The following ADGRL2 variants were observed in gnomAD, a reference collection of about 807,000 sequenced individuals.
ADGRL2 encodes calcium-independent alpha-latrotoxin receptor 2.
In ADGRL2, 44 loss-of-function variants were observed where a neutral mutation model predicts 157.4. The observed-to-expected ratio is 0.28, with a 90% CI of 0.22 to 0.36. ADGRL2 has a LOEUF of 0.36. Among genes scored for constraint, ADGRL2 ranks in the 10% least tolerant of loss-of-function variants. The pLI is 1.00. For synonymous variants in ADGRL2, 585 were observed against 624.7 expected (o/e 0.94, Z 0.95); for missense variants, 1,510 against 1,768.9 (o/e 0.85, Z 2.63).
intron 2 of ADGRL2, among the ~76,000 whole-genome samples, chr1:81,854,453 C>T (rs974285808): frequency 2.0e-5 from 3 of 152,110 alleles, no homozygotes; most frequent in East Asian, 3.9e-4. Flanking sequence ...AATTCTGACT[C>T]TCATCAGCTA....
intron 3 of ADGRL2, among the ~76,000 whole-genome samples, chr1:81,909,721 T>C (rs1302818555): frequency 6.9e-6 from 1 of 145,898 alleles, no homozygotes; most frequent in Non-Finnish European, 1.6e-5. Flanking sequence ...AACCATTGCT[T>C]GTTTTTTTTT....
At chr1:81,660,251 A>G (rs1441082574) in intron 3 of ADGRL2, among the ~76,000 whole-genome samples, 1 of 152,198 alleles carries the variant, frequency 6.6e-6, no homozygotes, top group African/African-American at 2.4e-5. Context: ...AATTTGTTTT[A>G]GCACTCTAAA....
chr1:81,720,909 T>C (rs1215492616), intron 1 of ADGRL2, among the ~76,000 whole-genome samples: 1 of 149,996 alleles, frequency 6.7e-6, no homozygotes, highest in African/African-American at 2.4e-5. Context: ...TATATATGTT[T>C]TATATATTAA....
At chr1:81,663,942 G>C (rs2082707432) in intron 3 of ADGRL2, among the ~76,000 whole-genome samples, 1 of 152,038 alleles carries the variant, frequency 6.6e-6, no homozygotes, top group Non-Finnish European at 1.5e-5. Context: ...TGAGGGGGAA[G>C]GATATCCGTT....
upstream of ADGRL2, among the ~76,000 whole-genome samples, chr1:81,698,575 T>C (rs1353960945): frequency 6.6e-6 from 1 of 152,190 alleles, no homozygotes; most frequent in African/African-American, 2.4e-5. Flanking sequence ...AACTTTGATA[T>C]TTGAGACCAA....
intron 2 of ADGRL2, among the ~76,000 whole-genome samples, chr1:81,563,371 G>T (rs1280002515): frequency 6.6e-6 from 1 of 152,068 alleles, no homozygotes; most frequent in Non-Finnish European, 1.5e-5. Flanking sequence ...GGAGTTCTTT[G>T]ATTACTTAAG....
At chr1:81,705,755 A>C (rs192618475) in intron 1 of ADGRL2, among the ~76,000 whole-genome samples, 1 of 151,850 alleles carries the variant, frequency 6.6e-6, no homozygotes, top group East Asian at 2.0e-4. Flanking sequence ...CCGCTATAAA[A>C]AATTTAAAAG....
intron 2 of ADGRL2, among the ~76,000 whole-genome samples, chr1:81,531,595 G>A (rs2079600440): frequency 6.6e-6 from 1 of 152,118 alleles, no homozygotes; most frequent in Non-Finnish European, 1.5e-5. Flanking sequence ...TTTACTGCTG[G>A]GAACCCACGT....
intron 2 of ADGRL2, among the ~76,000 whole-genome samples, chr1:81,495,761 G>A (rs535468161): frequency 1.3e-5 from 2 of 152,284 alleles, no homozygotes; most frequent in South Asian, 4.1e-4. Flanking sequence ...TTCAGAAGTT[G>A]TGCTTTTAAC....
chr1:81,472,389 G>A (rs1283170572), intron 2 of ADGRL2, among the ~76,000 whole-genome samples: 1 of 152,200 alleles, frequency 6.6e-6, no homozygotes, highest in Non-Finnish European at 1.5e-5. Flanking sequence ...ACTTTGCGAG[G>A]CCGAGGGCCG....
chr1:81,421,480 T>G (rs1465619213), intron 1 of ADGRL2, among the ~76,000 whole-genome samples: 2 of 152,180 alleles, frequency 1.3e-5, no homozygotes, highest in East Asian at 3.9e-4. Flanking sequence ...TCTCCCTACA[T>G]GGCTTAGATT....
intron 2 of ADGRL2, among the ~76,000 whole-genome samples, chr1:81,492,202 T>C (rs1314581053): frequency 6.6e-6 from 1 of 152,228 alleles, no homozygotes; most frequent in Non-Finnish European, 1.5e-5. Flanking sequence ...TTTATTTTCT[T>C]TGACCTAATA....
Position 81,816,989 on chromosome 1 carries a change from G to A in ADGRL2, c.-101+15921G>A, listed in dbSNP as rs1189125759. Among the ~76,000 whole-genome samples, 4 of 150,510 alleles carry A rather than the reference G, an allele frequency of 2.7e-5. No homozygotes were observed. In the East Asian group the frequency reaches 7.8e-4, roughly 29 times the overall value. ...TTTTTTTTTTTCAAGTATATTTAGG[G>A]GGTACAAGCACAGCCTTTTTACATG... On this transcript the variant is annotated intron_variant, in intron 1 of 23. Coordinates refer to ENST00000686636, the MANE Select transcript of ADGRL2 (RefSeq NM_001366006.2).
intron 1 of ADGRL2, among the ~76,000 whole-genome samples, chr1:81,727,977 C>T (rs1030305570): frequency 1.3e-5 from 2 of 151,952 alleles, no homozygotes; most frequent in African/African-American, 4.8e-5. Flanking sequence ...ATGTTTAACA[C>T]CTAGAGTATA....
At chr1:81,882,837 G>A (rs901275134) in intron 2 of ADGRL2, among the ~76,000 whole-genome samples, 3 of 152,042 alleles carry the variant, frequency 2.0e-5, no homozygotes, top group Non-Finnish European at 4.4e-5. Flanking sequence ...ATTTTGTCAC[G>A]TATATGTTTG....
chr1:81,973,816 T>G (rs1233560007), intron 17 of ADGRL2, among the ~76,000 whole-genome samples: 1 of 152,198 alleles, frequency 6.6e-6, no homozygotes, highest in East Asian at 1.9e-4. Context: ...GCGATTGCTT[T>G]GCTTTCTAAT....
intron 2 of ADGRL2, among the ~76,000 whole-genome samples, chr1:81,841,685 G>C (rs191202028): frequency 5.9e-5 from 9 of 151,822 alleles, no homozygotes; most frequent in Non-Finnish European, 2.9e-5. Flanking sequence ...GCGCATACAC[G>C]TGCACACACA....
At chr1:81,756,822 A>G (rs529675912) in intron 1 of ADGRL2, among the ~76,000 whole-genome samples, 4 of 152,288 alleles carry the variant, frequency 2.6e-5, no homozygotes, top group African/African-American at 9.6e-5. Flanking sequence ...TTTAGACATG[A>G]TAGGCACTAA....
chr1:81,631,619 G>A (rs2082011969), intron 3 of ADGRL2, among the ~76,000 whole-genome samples: 1 of 152,150 alleles, frequency 6.6e-6, no homozygotes, highest in African/African-American at 2.4e-5. Flanking sequence ...GACTTTTCTG[G>A]TATGAGGTGC....
Sources: gnomAD v4.1 joint callset for allele counts (sites outside exome capture counted in the v4.1 genomes callset) on GRCh38, gnomAD v4.1.1 for gene constraint, MANE v1.5 for transcripts, NCBI Gene and HGNC (gene_info 2026-07-23, HGNC 2026-07-21) for gene names.